The following CCDC93 variants were observed in gnomAD, a reference collection of about 807,000 sequenced individuals.
CCDC93 encodes the protein coiled-coil domain-containing protein 93.
Under a neutral mutation model 108.2 loss-of-function variants are expected in CCDC93, and 61 were observed. The observed-to-expected ratio is 0.56, with a 90% CI of 0.46 to 0.70. The LOEUF is 0.70. CCDC93 is among the 30% of genes least tolerant of loss of function. CCDC93 has a pLI of 0.00. For synonymous variants in CCDC93, 276 were observed against 260.4 expected (o/e 1.06, Z -0.58); for missense variants, 685 against 764.2 (o/e 0.90, Z 1.22).
chr2:117,974,524 G>A (rs1044435517), intron 10 of CCDC93, among the ~76,000 whole-genome samples: 24 of 152,258 alleles, frequency 1.6e-4, no homozygotes, highest in African/African-American at 5.8e-4. Context: ...CCTAGATAGT[G>A]TAGGAAGAAA....
chr2:117,975,369 A>G (rs2104783710), intron 8 of CCDC93, 89 bp from the exon 9 acceptor site: 1 of 929,352 alleles, frequency 1.1e-6, no homozygotes, highest in Non-Finnish European at 1.7e-6. Context: ...TGAGTCTGTG[A>G]AAAAAACACA....
intron 11 of CCDC93, among the ~76,000 whole-genome samples, chr2:117,959,366 A>T (rs1679318605): frequency 6.6e-6 from 1 of 152,188 alleles, no homozygotes; most frequent in Admixed American, 6.5e-5. Flanking sequence ...CAACAATAAA[A>T]CATCTTCTTT....
At chr2:117,942,834 G>A (rs1405339151) in intron 18 of CCDC93, among the ~76,000 whole-genome samples, 3 of 152,186 alleles carry the variant, frequency 2.0e-5, no homozygotes, top group African/African-American at 4.8e-5. Flanking sequence ...CAATGTGGTT[G>A]AGTATCCCAA....
At chr2:118,000,976 A>AT in intron 3 of CCDC93, 44 bp from the exon 4 acceptor site, 1 of 1,151,766 alleles carries the variant, frequency 8.7e-7, no homozygotes, top group Non-Finnish European at 1.3e-6. Context: ...CATACTAAGT[A>AT]GCCTTTATGG....
intron 23 of CCDC93, 150 bp from the exon 24 acceptor site, chr2:117,920,546 G>A: frequency 2.0e-6 from 1 of 496,478 alleles, no homozygotes. Context: ...GGATGGTGAA[G>A]CTTCCTGATG....
intron 20 of CCDC93, 46 bp from the exon 21 acceptor site, chr2:117,936,785 AT>A (rs1288371868): frequency 6.8e-7 from 1 of 1,476,472 alleles, no homozygotes; most frequent in African/African-American, 1.4e-5. Flanking sequence ...AGGCAAAAAG[AT>A]TTCCACACTA....
At chr2:117,956,467 G>A (rs1679220887) in intron 12 of CCDC93, among the ~76,000 whole-genome samples, 1 of 152,118 alleles carries the variant, frequency 6.6e-6, no homozygotes, top group South Asian at 2.1e-4. Flanking sequence ...CGTTCCTGCT[G>A]GGATACTCTG....
rs539808689 is a variant in CCDC93 at position 117,919,165 on chromosome 2, A to G, written c.*1178T>C. The G allele has an allele frequency of 6.6e-6, 1 of 152,196 alleles. No homozygotes were observed. Among genetic ancestry groups the G allele is most frequent in the African/African-American group, 2.4e-5 (1 of 41,504 alleles). 9.4% of individuals were successfully genotyped at this position (152,196 alleles called of 1,614,324 possible). A position where few individuals can be genotyped will look rare whatever the true frequency, so the allele number is the denominator to read the frequency against. ...GCACTGGTCATTTCCAAGGATTAAA[A>G]TCAACCCTCAGCTGCCCTTCAAGGC... On this transcript the variant is annotated 3_prime_UTR_variant, in exon 24 of 24. Coordinates refer to ENST00000376300, the MANE Select transcript of CCDC93 (RefSeq NM_019044.5).
At chr2:117,964,598 A>T (rs1159874151) in intron 11 of CCDC93, among the ~76,000 whole-genome samples, 1 of 151,994 alleles carries the variant, frequency 6.6e-6, no homozygotes. Flanking sequence ...CTCTTTTAAG[A>T]AGTAGAATTT....
chr2:117,960,575 G>A (rs1679357915), intron 11 of CCDC93, among the ~76,000 whole-genome samples: 1 of 152,140 alleles, frequency 6.6e-6, no homozygotes, highest in South Asian at 2.1e-4. Context: ...AGTGTATGTG[G>A]CACACATACA....
At chr2:117,951,172 C>T (rs1450735855) in intron 13 of CCDC93, 1 of 985,146 alleles carries the variant, frequency 1.0e-6, no homozygotes, top group Non-Finnish European at 1.2e-6. Context: ...TATACAAAGA[C>T]AGATCCACGA....
intron 10 of CCDC93, 111 bp downstream of exon 10, chr2:117,974,739 T>C (rs944064421): frequency 1.6e-5 from 12 of 735,556 alleles, no homozygotes; most frequent in Non-Finnish European, 1.7e-5. Context: ...GAGGAGGTAC[T>C]GTGTGCTGGT....
chr2:117,974,713 G>A (rs996218748), intron 10 of CCDC93, 137 bp downstream of exon 10: 20 of 654,462 alleles, frequency 3.1e-5, no homozygotes, highest in Admixed American at 1.1e-4. Context: ...ATTAACAAAA[G>A]GAACTCCCTG....
chr2:117,996,428 C>G (rs549994291), intron 4 of CCDC93, 66 bp from the exon 5 acceptor site: 1 of 1,059,438 alleles, frequency 9.4e-7, no homozygotes, highest in Non-Finnish European at 1.5e-6. Flanking sequence ...AAGGCCAGTT[C>G]AGACATGGCC....
chr2:117,967,804 A>G (rs4849646), intron 11 of CCDC93, among the ~76,000 whole-genome samples: 148,112 of 152,290 alleles, frequency 0.97, 72,160 homozygotes, highest in Middle Eastern at 1. Flanking sequence ...TCAGATTACA[A>G]ACAAGAGTAA....
intron 3 of CCDC93, among the ~76,000 whole-genome samples, chr2:118,006,391 T>C (rs538544557): frequency 1.3e-5 from 2 of 152,292 alleles, no homozygotes; most frequent in East Asian, 1.9e-4. Flanking sequence ...AAGGAGACCA[T>C]GCTGCTTTCT....
chr2:118,010,910 T>C (rs1171036850), intron 1 of CCDC93, among the ~76,000 whole-genome samples: 1 of 152,236 alleles, frequency 6.6e-6, no homozygotes, highest in African/African-American at 2.4e-5. Context: ...TCCTCAGCAT[T>C]TCTGTACATA....
chr2:117,936,694 G>GTT lies in CCDC93; in HGVS notation c.1643+7_1643+8insAA, dbSNP rs757510305. The GTT allele has an allele frequency of 6.0e-5, 96 of 1,610,328 alleles. No homozygotes were observed. Among genetic ancestry groups the GTT allele is most frequent in the Non-Finnish European group, 8.0e-5 (94 of 1,176,620 alleles). On this transcript the variant is annotated splice_region_variant and intron_variant, in intron 21 of 23. Transcript: ENST00000376300. ...GTATTAGTGGGAAGGAGGACTGACAGTACTTACTGTGAGAAGTTCTCATGA... is the reference window on the plus strand; with the variant it reads ...GTATTAGTGGGAAGGAGGACTGACAGTTTACTTACTGTGAGAAGTTCTCATGA...
intron 11 of CCDC93, among the ~76,000 whole-genome samples, chr2:117,965,637 G>A (rs952820948): frequency 1.3e-5 from 2 of 152,104 alleles, no homozygotes; most frequent in Admixed American, 6.5e-5. Context: ...AGTAGCACCC[G>A]GCAGCCACTT....
Sources: gnomAD v4.1 joint callset for allele counts (sites outside exome capture counted in the v4.1 genomes callset) on GRCh38, gnomAD v4.1.1 for gene constraint, MANE v1.5 for transcripts, NCBI Gene and HGNC (gene_info 2026-07-23, HGNC 2026-07-21) for gene names.